WWOX: variants seen among roughly 807,000 people sequenced by gnomAD.
WWOX encodes the protein WW domain containing oxidoreductase, also known as WW domain-containing oxidoreductase.
A neutral mutation model predicts 46.2 loss-of-function variants in WWOX; 69 were observed. The observed-to-expected ratio is 1.49, with a 90% CI of 1.23 to 1.82. The LOEUF is 1.82. Among genes scored for constraint, WWOX ranks in the 40% most tolerant of loss-of-function variants. The probability of loss-of-function intolerance (pLI) is 0.00; values close to 1 mark genes in which losing one functional copy is unlikely to be tolerated. For missense variants in WWOX, 919 were observed against 542.6 expected (o/e 1.69, Z -6.89); for synonymous variants, 359 against 202.6 (o/e 1.77, Z -6.56).
chr16:78,356,739 G>C (rs891063190), intron 5 of WWOX, among the ~76,000 whole-genome samples: 1 of 152,046 alleles, frequency 6.6e-6, no homozygotes, highest in African/African-American at 2.4e-5. Flanking sequence ...AAAATTAGCC[G>C]GGCATAGTGG....
At chr16:78,585,433 C>T (rs1280979987) in intron 8 of WWOX, among the ~76,000 whole-genome samples, 1 of 152,106 alleles carries the variant, frequency 6.6e-6, no homozygotes, top group African/African-American at 2.4e-5. Context: ...CCTTTGACCA[C>T]CTCCCAAAAG....
intron 5 of WWOX, among the ~76,000 whole-genome samples, chr16:78,202,773 T>C (rs1479925026): frequency 6.8e-6 from 1 of 147,550 alleles, no homozygotes; most frequent in Non-Finnish European, 1.5e-5. Flanking sequence ...CAACCTCTCA[T>C]TATATTTGCA....
intron 8 of WWOX, among the ~76,000 whole-genome samples, chr16:78,601,835 T>C (rs1411638479): frequency 2.7e-5 from 4 of 149,530 alleles, no homozygotes; most frequent in East Asian, 3.9e-4. Flanking sequence ...ACTGGGAATA[T>C]TCGACTCTGC....
chr16:79,009,277 C>G (rs967790958), intron 8 of WWOX, among the ~76,000 whole-genome samples: 2 of 152,204 alleles, frequency 1.3e-5, no homozygotes, highest in Non-Finnish European at 2.9e-5. Flanking sequence ...TTCTCCTGCT[C>G]TTTGCAGATG....
intron 8 of WWOX, among the ~76,000 whole-genome samples, chr16:79,201,627 AC>A (rs1490770316): frequency 6.6e-6 from 1 of 152,184 alleles, no homozygotes; most frequent in Non-Finnish European, 1.5e-5. Context: ...CTGTTTTCCA[AC>A]CATTAAAAAG....
intron 8 of WWOX, among the ~76,000 whole-genome samples, chr16:78,755,131 G>A (rs1027403839): frequency 2.0e-5 from 3 of 151,488 alleles, no homozygotes; most frequent in Non-Finnish European, 4.4e-5. Flanking sequence ...CGGGTTGATA[G>A]GTGCAGCAAA....
At chr16:78,751,868 T>C (rs940119180) in intron 8 of WWOX, among the ~76,000 whole-genome samples, 2 of 151,862 alleles carry the variant, frequency 1.3e-5, no homozygotes, top group African/African-American at 4.8e-5. Context: ...AAGAAATTAA[T>C]TCCCATTTTA....
intron 8 of WWOX, among the ~76,000 whole-genome samples, chr16:79,158,955 A>T (rs930304498): frequency 6.6e-6 from 1 of 152,226 alleles, no homozygotes; most frequent in Admixed American, 6.5e-5. Context: ...TTTATTGAAT[A>T]GATGAAAGAA....
chr16:78,789,982 A>G (rs1472133788), intron 8 of WWOX, among the ~76,000 whole-genome samples: 1 of 152,204 alleles, frequency 6.6e-6, no homozygotes, highest in Non-Finnish European at 1.5e-5. Context: ...TTCCCTGACT[A>G]TAAAATGCTA....
chr16:78,644,278 A>T (rs1161194379), intron 8 of WWOX, among the ~76,000 whole-genome samples: 1 of 152,098 alleles, frequency 6.6e-6, no homozygotes, highest in Non-Finnish European at 1.5e-5. Context: ...TGTCCTCCCC[A>T]CCCTAAGCAT....
intron 8 of WWOX, among the ~76,000 whole-genome samples, chr16:78,504,574 G>C (rs904387266): frequency 6.6e-6 from 1 of 152,172 alleles, no homozygotes; most frequent in African/African-American, 2.4e-5. Flanking sequence ...TCCAGAAGTG[G>C]GCGTCGTGAT....
chr16:78,638,172 G>T (rs1163645220), intron 8 of WWOX, among the ~76,000 whole-genome samples: 1 of 152,094 alleles, frequency 6.6e-6, no homozygotes, highest in Non-Finnish European at 1.5e-5. Flanking sequence ...TATTTTACAT[G>T]ACAGTTTAAA....
At chr16:78,927,285 C>T (rs949527151) in intron 8 of WWOX, among the ~76,000 whole-genome samples, 3 of 152,184 alleles carry the variant, frequency 2.0e-5, no homozygotes, top group Non-Finnish European at 2.9e-5. Flanking sequence ...ATGACACCGG[C>T]CTCCAGCAGA....
chr16:79,068,092 G>C (rs900414253), intron 8 of WWOX, among the ~76,000 whole-genome samples: 3 of 152,172 alleles, frequency 2.0e-5, no homozygotes, highest in Non-Finnish European at 4.4e-5. Flanking sequence ...GGGATGGGAG[G>C]GGGGCTCCGG....
rs1167825014 is a variant in WWOX at position 78,164,235 on chromosome 16, C to T, written c.462C>T (p.Ala154=). ...FALHGAHVIL[A]CRNMARASEA... Reference sequence around the variant, plus strand: ...TCCATGGTGCACATGTGATCTTGGCCTGCAGGAACATGGCAAGGGCGAGTG... The same window carrying T: ...TCCATGGTGCACATGTGATCTTGGCTTGCAGGAACATGGCAAGGGCGAGTG... Residue 154 remains alanine (A), a synonymous_variant, in exon 5 of 9, where the codon GCC becomes GCT. Transcript: ENST00000566780. 2 of 1,614,056 alleles carry T rather than the reference C, an allele frequency of 1.2e-6. No homozygotes were observed. Among genetic ancestry groups the T allele is most frequent in the Admixed American group, 3.3e-5 (2 of 60,000 alleles).
chr16:79,082,045 A>T (rs945661808), intron 8 of WWOX, among the ~76,000 whole-genome samples: 1 of 152,168 alleles, frequency 6.6e-6, no homozygotes, highest in Admixed American at 6.5e-5. Flanking sequence ...TGTCAAAATC[A>T]ATCTGATGGA....
At chr16:78,854,259 GATAAA>G (rs2052517525) in intron 8 of WWOX, among the ~76,000 whole-genome samples, 1 of 152,034 alleles carries the variant, frequency 6.6e-6, no homozygotes, top group African/African-American at 2.4e-5. Flanking sequence ...TTTTATTTTA[GATAAA>G]ATGAAAAGAT....
intron 8 of WWOX, among the ~76,000 whole-genome samples, chr16:78,688,208 G>A (rs921440051): frequency 1.1e-4 from 17 of 151,512 alleles, no homozygotes; most frequent in African/African-American, 3.4e-4. Flanking sequence ...GTGACAAGAT[G>A]TCCAAATGTT....
intron 5 of WWOX, among the ~76,000 whole-genome samples, chr16:78,236,823 T>G (rs2066084318): frequency 6.6e-6 from 1 of 152,138 alleles, no homozygotes; most frequent in South Asian, 2.1e-4. Flanking sequence ...ACACCTGTAA[T>G]CCCAGCACTT....
Sources: gnomAD v4.1 joint callset for allele counts (sites outside exome capture counted in the v4.1 genomes callset) on GRCh38, gnomAD v4.1.1 for gene constraint, MANE v1.5 for transcripts, NCBI Gene and HGNC (gene_info 2026-07-23, HGNC 2026-07-21) for gene names.